The following PBX1 variants were observed in gnomAD, a reference collection of about 807,000 sequenced individuals.
The protein encoded by PBX1 is PBX homeobox 1.
Under a neutral mutation model 53.4 loss-of-function variants are expected in PBX1, and 6 were observed. The ratio of observed to expected loss-of-function variants is 0.11; its 90% CI spans 0.06 to 0.22. The LOEUF (loss-of-function observed/expected upper bound fraction) is 0.22. Among genes scored for constraint, PBX1 ranks in the 10% least tolerant of loss-of-function variants. The pLI, the probability that PBX1 is intolerant of heterozygous loss-of-function variation, is 1.00. For missense variants in PBX1, 251 were observed against 551.4 expected (o/e 0.46, Z 5.46); for synonymous variants, 204 against 212.3 (o/e 0.96, Z 0.34).
intron 2 of PBX1, among the ~76,000 whole-genome samples, chr1:164,716,748 G>GA (rs11287616): frequency 5.0e-5 from 7 of 139,396 alleles, no homozygotes; most frequent in African/African-American, 5.5e-5. Flanking sequence ...ACGAAGAGAA[G>GA]AAAAAAAAAG....
intron 2 of PBX1, among the ~76,000 whole-genome samples, chr1:164,651,256 C>G (rs1192887716): frequency 6.8e-6 from 1 of 147,820 alleles, no homozygotes; most frequent in Non-Finnish European, 1.5e-5. Context: ...GGAGGCTGTG[C>G]AGGGGAGGGG....
chr1:164,793,076 C>T (rs1322336358), intron 3 of PBX1, among the ~76,000 whole-genome samples: 1 of 152,160 alleles, frequency 6.6e-6, no homozygotes, highest in East Asian at 1.9e-4. Context: ...GGCTCTCATC[C>T]GGGCGCTATA....
chr1:164,688,916 G>A (rs1043777163), intron 2 of PBX1, among the ~76,000 whole-genome samples: 7 of 152,252 alleles, frequency 4.6e-5, no homozygotes, highest in Admixed American at 6.5e-5. Flanking sequence ...TAAGGAATAG[G>A]AGGGAACAAC....
chr1:164,663,498 C>T (rs1464566276), intron 2 of PBX1, among the ~76,000 whole-genome samples: 1 of 152,220 alleles, frequency 6.6e-6, no homozygotes, highest in Non-Finnish European at 1.5e-5. Context: ...GCTTTGGGCT[C>T]TGGCCCATAG....
At chr1:164,784,135 G>A (rs938563396) in intron 2 of PBX1, among the ~76,000 whole-genome samples, 3 of 152,140 alleles carry the variant, frequency 2.0e-5, no homozygotes, top group Non-Finnish European at 4.4e-5. Flanking sequence ...CCTGGTCCTG[G>A]TCCTGGCCTT....
At chr1:164,862,093 A>G (rs939045714) in intron 2 of PBX1, among the ~76,000 whole-genome samples, 14 of 152,220 alleles carry the variant, frequency 9.2e-5, no homozygotes, top group African/African-American at 3.4e-4. Context: ...TGACTCTGGC[A>G]GCAGTGCTGT....
chr1:164,669,372 G>A (rs1366806270), intron 2 of PBX1, among the ~76,000 whole-genome samples: 1 of 152,174 alleles, frequency 6.6e-6, no homozygotes, highest in Non-Finnish European at 1.5e-5. Flanking sequence ...AGAAACCGCT[G>A]CACTGGGAAT....
At chr1:164,835,403 A>G (rs1327588780) in intron 8 of PBX1, among the ~76,000 whole-genome samples, 1 of 152,066 alleles carries the variant, frequency 6.6e-6, no homozygotes, top group East Asian at 1.9e-4. Flanking sequence ...TGTATTGTAA[A>G]CTTTTCTTCT....
chr1:164,871,182 T>G (rs895724409), intron 2 of PBX1, among the ~76,000 whole-genome samples: 1 of 152,192 alleles, frequency 6.6e-6, no homozygotes, highest in African/African-American at 2.4e-5. Flanking sequence ...ACTCATAGGA[T>G]TCACCTAAGT....
chr1:164,760,986 G>A (rs1666782347), intron 2 of PBX1, among the ~76,000 whole-genome samples: 1 of 152,122 alleles, frequency 6.6e-6, no homozygotes, highest in Admixed American at 6.5e-5. Context: ...TTGGAATAAG[G>A]CTGTATTCTA....
rs192872106 is a variant in PBX1 at position 164,799,030 on chromosome 1, A to G, written c.511-669A>G. Reference sequence around the variant, plus strand: ...AAATAATGAGCAAGGCAGAAAGCACATGATACATTTGACCCCAAACTCTCT... The same window carrying G: ...AAATAATGAGCAAGGCAGAAAGCACGTGATACATTTGACCCCAAACTCTCT... On this transcript the variant is annotated intron_variant, in intron 3 of 8. Coordinates refer to ENST00000420696, the MANE Select transcript of PBX1 (RefSeq NM_002585.4). Among the ~76,000 whole-genome samples the G allele has an allele frequency of 3.1e-3, 469 of 152,334 alleles. 12 individuals are homozygous for G. The South Asian group carries it at 0.047, about 15-fold the overall frequency.
chr1:164,595,425 A>T (rs540821467), intron 2 of PBX1, among the ~76,000 whole-genome samples: 32 of 151,858 alleles, frequency 2.1e-4, no homozygotes, highest in African/African-American at 6.8e-4. Context: ...GACATGAATG[A>T]TGGCTCTTCA....
At chr1:164,735,070 G>A (rs576799204) in intron 2 of PBX1, among the ~76,000 whole-genome samples, 7 of 152,246 alleles carry the variant, frequency 4.6e-5, no homozygotes, top group East Asian at 1.9e-4. Flanking sequence ...ACTATACTGC[G>A]TAAGCTATAG....
chr1:164,599,071 A>AT lies in PBX1; in HGVS notation c.265+35777dup, dbSNP rs375145672. ...ATTTTCTGTCTCTTTTTTCCTCCTGATTTTTTTTTTTTTTTTTGCAAAGAA... is the reference window on the plus strand; with the variant it reads ...ATTTTCTGTCTCTTTTTTCCTCCTGATTTTTTTTTTTTTTTTTTGCAAAGAA... On this transcript the variant is annotated intron_variant, in intron 2 of 8. Coordinates refer to ENST00000420696, the MANE Select transcript of PBX1 (RefSeq NM_002585.4). Among the ~76,000 whole-genome samples the AT allele has an allele frequency of 3.6e-3, 432 of 118,808 alleles. 16 individuals are homozygous for AT. Among genetic ancestry groups the AT allele is most frequent in the African/African-American group, 9.6e-3 (296 of 30,806 alleles). 77.9% of individuals were successfully genotyped at this position (118,808 alleles called of 152,430 possible). A position where few individuals can be genotyped will look rare whatever the true frequency, so the allele number is the denominator to read the frequency against.
chr1:164,614,331 A>G (rs1657128677), intron 2 of PBX1, among the ~76,000 whole-genome samples: 1 of 152,148 alleles, frequency 6.6e-6, no homozygotes, highest in South Asian at 2.1e-4. Context: ...GAGGCTTGGG[A>G]GCCAGATTTT....
At chr1:164,650,117 C>T (rs902949779) in intron 2 of PBX1, among the ~76,000 whole-genome samples, 2 of 152,086 alleles carry the variant, frequency 1.3e-5, no homozygotes, top group African/African-American at 2.4e-5. Context: ...ATCCCATCCC[C>T]GGGCCTCACA....
At chr1:164,624,425 T>G (rs1657904499) in intron 2 of PBX1, among the ~76,000 whole-genome samples, 1 of 152,248 alleles carries the variant, frequency 6.6e-6, no homozygotes, top group Non-Finnish European at 1.5e-5. Context: ...TTCAGCTGTT[T>G]GAATGTCATT....
intron 8 of PBX1, among the ~76,000 whole-genome samples, chr1:164,846,079 T>C (rs1036176244): frequency 6.6e-6 from 1 of 152,084 alleles, no homozygotes; most frequent in African/African-American, 2.4e-5. Context: ...CATGAGCATC[T>C]AGTATAGAAC....
chr1:164,806,616 G>A lies in PBX1; in HGVS notation c.702-926G>A, dbSNP rs962084529. ...AAGAGAGAGATTGGGTTTTGTAGTG[G>A]TCAGACCTGAATTAATACCTTAGCT... On this transcript the variant is annotated intron_variant, in intron 4 of 8. Coordinates refer to ENST00000420696, the MANE Select transcript of PBX1 (RefSeq NM_002585.4). 6.6e-4 allele frequency among the ~76,000 whole-genome samples: 101 copies of A among 152,326 alleles called. 1 individual carries two copies. Among genetic ancestry groups the A allele is most frequent in the Middle Eastern group, 3.4e-3 (1 of 294 alleles).
Sources: gnomAD v4.1 joint callset for allele counts (sites outside exome capture counted in the v4.1 genomes callset) on GRCh38, gnomAD v4.1.1 for gene constraint, MANE v1.5 for transcripts, NCBI Gene and HGNC (gene_info 2026-07-23, HGNC 2026-07-21) for gene names.